The following VWC2L variants were observed in gnomAD, a reference collection of about 807,000 sequenced individuals.
VWC2L encodes the protein von Willebrand factor C domain-containing protein 2-like.
A neutral mutation model predicts 21.6 loss-of-function variants in VWC2L; 10 were observed. The observed-to-expected ratio is 0.46, with a 90% CI of 0.29 to 0.78. The LOEUF is 0.78. Among genes scored for constraint, VWC2L ranks in the 30% least tolerant of loss-of-function variants. The pLI is 0.10. For synonymous variants in VWC2L, 96 were observed against 94.3 expected (o/e 1.02, Z -0.10); for missense variants, 209 against 277.1 (o/e 0.75, Z 1.74).
At chr2:214,472,447 G>A (rs1209893098) in intron 3 of VWC2L, among the ~76,000 whole-genome samples, 3 of 152,210 alleles carry the variant, frequency 2.0e-5, no homozygotes, top group African/African-American at 7.2e-5. Context: ...GTGTGCACAT[G>A]TACCAAAATG....
chr2:214,505,489 T>C (rs950847419), intron 3 of VWC2L, among the ~76,000 whole-genome samples: 2 of 151,948 alleles, frequency 1.3e-5, no homozygotes, highest in African/African-American at 4.8e-5. Context: ...GTTTTTTTCC[T>C]TTTTTTTCTG....
intron 2 of VWC2L, among the ~76,000 whole-genome samples, chr2:214,415,636 C>T (rs1253539909): frequency 3.3e-5 from 5 of 152,058 alleles, no homozygotes; most frequent in Non-Finnish European, 2.9e-5. Flanking sequence ...AAAAAGGTCT[C>T]AACTGATCAT....
At chr2:214,419,314 A>G (rs1282345107) in intron 2 of VWC2L, among the ~76,000 whole-genome samples, 1 of 152,220 alleles carries the variant, frequency 6.6e-6, no homozygotes, top group African/African-American at 2.4e-5. Flanking sequence ...TAAATAATAC[A>G]TTATAATAGC....
At chr2:214,520,640 C>T (rs925932068) in intron 3 of VWC2L, among the ~76,000 whole-genome samples, 2 of 152,180 alleles carry the variant, frequency 1.3e-5, no homozygotes, top group Non-Finnish European at 2.9e-5. Flanking sequence ...TGATGCACAA[C>T]GGTGCCCACA....
intron 3 of VWC2L, among the ~76,000 whole-genome samples, chr2:214,551,267 A>G (rs1559328311): frequency 6.6e-6 from 1 of 152,226 alleles, no homozygotes; most frequent in Non-Finnish European, 1.5e-5. Context: ...AGGACATTCA[A>G]GATAGGAAAG....
intron 3 of VWC2L, among the ~76,000 whole-genome samples, chr2:214,568,178 T>C (rs1437784008): frequency 6.6e-6 from 1 of 152,202 alleles, no homozygotes; most frequent in South Asian, 2.1e-4. Flanking sequence ...AACCACTTTT[T>C]AGCAATATAG....
intron 3 of VWC2L, among the ~76,000 whole-genome samples, chr2:214,517,713 A>C (rs141525092): frequency 8.9e-4 from 135 of 152,366 alleles, no homozygotes; most frequent in Middle Eastern, 3.4e-3. Flanking sequence ...GAAAATAAGA[A>C]ATATAGAACA....
intron 3 of VWC2L, among the ~76,000 whole-genome samples, chr2:214,458,552 G>T (rs146593555): frequency 1.3e-5 from 2 of 151,762 alleles, no homozygotes; most frequent in Non-Finnish European, 2.9e-5. Flanking sequence ...TCTACTTTTC[G>T]GATGTAGGTG....
chr2:214,526,418 T>C (rs1262833790), intron 3 of VWC2L, among the ~76,000 whole-genome samples: 1 of 152,212 alleles, frequency 6.6e-6, no homozygotes, highest in Non-Finnish European at 1.5e-5. Context: ...TAATACTTTT[T>C]GGCATTTTTC....
chr2:214,516,760 T>C (rs998262711), intron 3 of VWC2L, among the ~76,000 whole-genome samples: 2 of 152,152 alleles, frequency 1.3e-5, no homozygotes, highest in African/African-American at 4.8e-5. Context: ...ATATAGTTTT[T>C]AAGAGCTTTG....
chr2:214,502,525 G>A (rs1421529603), intron 3 of VWC2L, among the ~76,000 whole-genome samples: 7 of 152,198 alleles, frequency 4.6e-5, no homozygotes, highest in Middle Eastern at 3.4e-3. Flanking sequence ...AGCCGAGATC[G>A]TGCCACTGCA....
chr2:214,541,451 T>C (rs1414335725), intron 3 of VWC2L, among the ~76,000 whole-genome samples: 4 of 152,220 alleles, frequency 2.6e-5, no homozygotes, highest in Admixed American at 6.5e-5. Flanking sequence ...TTGATTAGCA[T>C]GCTTCTGGGC....
chr2:214,477,277 T>C (rs1015986156), intron 3 of VWC2L, among the ~76,000 whole-genome samples: 1 of 152,230 alleles, frequency 6.6e-6, no homozygotes, highest in African/African-American at 2.4e-5. Flanking sequence ...CCCCAAGCAA[T>C]GGAAGGAGCC....
intron 2 of VWC2L, among the ~76,000 whole-genome samples, chr2:214,431,283 T>C (rs1358170689): frequency 6.6e-6 from 1 of 152,228 alleles, no homozygotes; most frequent in East Asian, 1.9e-4. Context: ...CTTAAAGTGA[T>C]AAAATTTATG....
chr2:214,578,229 C>A lies in VWC2L; in HGVS notation c.*2409C>A, dbSNP rs1373634975. 6.6e-6 allele frequency: 1 copy of A among 152,074 alleles called. No individual in the cohort carries two copies. Among genetic ancestry groups the A allele is most frequent in the Non-Finnish European group, 1.5e-5 (1 of 68,028 alleles). 9.4% of individuals were successfully genotyped at this position (152,074 alleles called of 1,614,324 possible). ...TACCTTATCTATTATTAAGGAGTTACTATGTCCTTTTTTAGAAAACAGAAA... is the reference window on the plus strand; with the variant it reads ...TACCTTATCTATTATTAAGGAGTTAATATGTCCTTTTTTAGAAAACAGAAA... On this transcript the variant is annotated 3_prime_UTR_variant, in exon 4 of 4. Coordinates refer to ENST00000312504, the MANE Select transcript of VWC2L (RefSeq NM_001080500.4).
intron 3 of VWC2L, among the ~76,000 whole-genome samples, chr2:214,441,875 T>C (rs1329505221): frequency 6.6e-6 from 1 of 151,456 alleles, no homozygotes; most frequent in Non-Finnish European, 1.5e-5. Context: ...ATAAAATATG[T>C]ATCTTATAAT....
chr2:214,489,666 A>G (rs1688719605), intron 3 of VWC2L, among the ~76,000 whole-genome samples: 1 of 152,172 alleles, frequency 6.6e-6, no homozygotes, highest in South Asian at 2.1e-4. Flanking sequence ...GAGTGTGTTG[A>G]ATTTGAGGTG....
intron 3 of VWC2L, among the ~76,000 whole-genome samples, chr2:214,524,105 T>C (rs1689289007): frequency 6.6e-6 from 1 of 152,174 alleles, no homozygotes; most frequent in South Asian, 2.1e-4. Flanking sequence ...TGAACCATAG[T>C]ATATTGTTAT....
At chr2:214,415,813 C>T (rs562135209) in intron 2 of VWC2L, among the ~76,000 whole-genome samples, 1 of 152,094 alleles carries the variant, frequency 6.6e-6, no homozygotes, top group Non-Finnish European at 1.5e-5. Context: ...CATTCAACTT[C>T]CTTAGACATG....
Sources: gnomAD v4.1 joint callset for allele counts (sites outside exome capture counted in the v4.1 genomes callset) on GRCh38, gnomAD v4.1.1 for gene constraint, MANE v1.5 for transcripts, NCBI Gene and HGNC (gene_info 2026-07-23, HGNC 2026-07-21) for gene names.